Variants in TLE4 observed in about 807,000 individuals in gnomAD.
TLE4 encodes transducin-like enhancer protein 4.
A neutral mutation model predicts 92.8 loss-of-function variants in TLE4; 8 were observed. That is an observed-to-expected ratio of 0.09 (90% confidence interval 0.05 to 0.16). The LOEUF (loss-of-function observed/expected upper bound fraction) is 0.16, where lower values mean the gene tolerates loss of function less well. Ranked by LOEUF, TLE4 falls within the 10% of genes least tolerant of loss-of-function variation. The probability of loss-of-function intolerance (pLI) is 1.00; values close to 1 mark genes in which losing one functional copy is unlikely to be tolerated. For missense variants in TLE4, 675 were observed against 997.6 expected (o/e 0.68, Z 4.36); for synonymous variants, 371 against 374.1 (o/e 0.99, Z 0.10).
chr9:79,616,721 C>A (rs143439936), intron 5 of TLE4, among the ~76,000 whole-genome samples: 53 of 152,278 alleles, frequency 3.5e-4, no homozygotes, highest in Non-Finnish European at 7.1e-4. Flanking sequence ...TATTGTATTG[C>A]TTCCAGTATC....
intron 13 of TLE4, among the ~76,000 whole-genome samples, chr9:79,709,360 A>G (rs1331734109): frequency 6.6e-6 from 1 of 152,226 alleles, no homozygotes; most frequent in Admixed American, 6.5e-5. Flanking sequence ...ACATAGTATA[A>G]TGAATGTAAT....
chr9:79,682,917 G>A (rs547822599), intron 8 of TLE4, among the ~76,000 whole-genome samples: 1 of 152,282 alleles, frequency 6.6e-6, no homozygotes, highest in African/African-American at 2.4e-5. Context: ...AAAAAATGTA[G>A]GAATACACTA....
intron 4 of TLE4, among the ~76,000 whole-genome samples, chr9:79,595,694 A>G (rs921079579): frequency 4.6e-5 from 7 of 152,172 alleles, no homozygotes; most frequent in African/African-American, 1.7e-4. Flanking sequence ...AGTTAAGTCC[A>G]AGGCAGTTAA....
intron 17 of TLE4, among the ~76,000 whole-genome samples, chr9:79,722,159 G>C (rs1185951088): frequency 6.6e-6 from 1 of 151,872 alleles, no homozygotes; most frequent in Non-Finnish European, 1.5e-5. Flanking sequence ...GCAAGACTCT[G>C]TCTGAAAAAC....
At chr9:79,684,452 CTCTATTGTGAACTGTGCAATGCAGGGA>C (rs67243699) in intron 8 of TLE4, among the ~76,000 whole-genome samples, 80,486 of 151,914 alleles carry the variant, frequency 0.53, 24,021 homozygotes, top group East Asian at 0.73. Context: ...GGCATGCATA[CTCTATTGTGAACTGTGCAATGCAGGGA>C]TCTATTGTGA....
At chr9:79,711,778 A>T (rs1299353104) in intron 14 of TLE4, among the ~76,000 whole-genome samples, 4 of 152,202 alleles carry the variant, frequency 2.6e-5, no homozygotes, top group Admixed American at 2.6e-4. Flanking sequence ...TAAAATGTTT[A>T]AATGTTTAAG....
intron 5 of TLE4, among the ~76,000 whole-genome samples, chr9:79,615,858 G>A (rs912573302): frequency 6.6e-6 from 1 of 152,220 alleles, no homozygotes; most frequent in African/African-American, 2.4e-5. Flanking sequence ...TTGCACTCAC[G>A]TACAACTGCT....
chr9:79,611,039 C>G (rs1329672560), intron 4 of TLE4, among the ~76,000 whole-genome samples: 1 of 152,038 alleles, frequency 6.6e-6, no homozygotes, highest in Non-Finnish European at 1.5e-5. Flanking sequence ...TTCTCTCCCC[C>G]TCCACCTCTC....
intron 6 of TLE4, chr9:79,649,652 A>G (rs2058631851): frequency 2.8e-6 from 1 of 360,100 alleles, no homozygotes; most frequent in Non-Finnish European, 5.0e-6. Flanking sequence ...AGATTAGCAT[A>G]CAAGAGGAAG....
At chr9:79,586,325 T>G (rs1185945224) in intron 4 of TLE4, among the ~76,000 whole-genome samples, 1 of 150,726 alleles carries the variant, frequency 6.6e-6, no homozygotes, top group Non-Finnish European at 1.5e-5. Context: ...ATCGCGCCAC[T>G]GCACTCCAGC....
At chr9:79,611,149 T>G (rs541349904) in intron 4 of TLE4, among the ~76,000 whole-genome samples, 3 of 152,200 alleles carry the variant, frequency 2.0e-5, no homozygotes, top group Admixed American at 2.0e-4. Context: ...TTTCACCCCA[T>G]AACCACTGTG....
At chr9:79,605,011 A>G (rs1290673327) in intron 4 of TLE4, among the ~76,000 whole-genome samples, 3 of 152,102 alleles carry the variant, frequency 2.0e-5, no homozygotes, top group East Asian at 1.9e-4. Context: ...TGAGAGAGAG[A>G]AGGAGGAGGA....
At chr9:79,623,737 A>G (rs968598760) in intron 5 of TLE4, among the ~76,000 whole-genome samples, 5 of 146,248 alleles carry the variant, frequency 3.4e-5, no homozygotes, top group South Asian at 2.2e-4. Flanking sequence ...TTAAAATTGT[A>G]AAGTACAGCA....
At chr9:79,573,862 CCCT>C (rs1219448101) in intron 2 of TLE4, 76 bp downstream of exon 2, 26 of 1,083,240 alleles carry the variant, frequency 2.4e-5, no homozygotes, top group Admixed American at 1.2e-4. Context: ...CAAACACTTA[CCCT>C]CCTCCTTTTT....
intron 6 of TLE4, among the ~76,000 whole-genome samples, chr9:79,644,801 A>T (rs1268236002): frequency 6.6e-6 from 1 of 152,114 alleles, no homozygotes; most frequent in Non-Finnish European, 1.5e-5. Flanking sequence ...GTCTTCCCTT[A>T]CTTCTCTCCT....
At chr9:79,655,202 G>A (rs2059609513) in intron 8 of TLE4, among the ~76,000 whole-genome samples, 1 of 152,160 alleles carries the variant, frequency 6.6e-6, no homozygotes, top group Non-Finnish European at 1.5e-5. Context: ...ATGCGTAATT[G>A]TATTACATAT....
intron 4 of TLE4, among the ~76,000 whole-genome samples, chr9:79,584,032 G>T (rs1412504174): frequency 1.3e-5 from 2 of 152,184 alleles, no homozygotes; most frequent in Non-Finnish European, 2.9e-5. Context: ...GGATCAGCAC[G>T]GGGGTGGAGA....
At chr9:79,645,682 C>G (rs1247802286) in intron 6 of TLE4, among the ~76,000 whole-genome samples, 1 of 152,174 alleles carries the variant, frequency 6.6e-6, no homozygotes, top group Non-Finnish European at 1.5e-5. Context: ...CTGTGTCTGC[C>G]ACTTCATGGC....
intron 14 of TLE4, among the ~76,000 whole-genome samples, chr9:79,715,409 C>T (rs576423704): frequency 1.4e-4 from 22 of 152,108 alleles, no homozygotes; most frequent in Middle Eastern, 6.8e-3. Flanking sequence ...TTACTGCCAC[C>T]TTCTCCTTGT....
Sources: allele counts gnomAD v4.1 joint callset (sites outside exome capture counted in the v4.1 genomes callset), GRCh38; gene constraint gnomAD v4.1.1; transcripts MANE v1.5; gene names NCBI Gene and HGNC (gene_info 2026-07-23, HGNC 2026-07-21).